Variants in FCHSD2 observed in about 807,000 individuals in gnomAD.
FCHSD2 encodes F-BAR and double SH3 domains protein 2.
FCHSD2 carries 38 observed loss-of-function variants against 108.1 expected under a neutral mutation model. That is an observed-to-expected ratio of 0.35 (90% CI 0.27 to 0.46). The LOEUF is 0.46. Among genes scored for constraint, FCHSD2 ranks in the 20% least tolerant of loss-of-function variants. FCHSD2 has a pLI of 1.00. For missense variants in FCHSD2, 751 were observed against 897.8 expected (o/e 0.84, Z 2.09); for synonymous variants, 279 against 314.7 (o/e 0.89, Z 1.20).
intron 8 of FCHSD2, among the ~76,000 whole-genome samples, chr11:72,968,078 A>C (rs925867318): frequency 6.7e-6 from 1 of 149,324 alleles, no homozygotes; most frequent in South Asian, 2.1e-4. Flanking sequence ...GCAACAGAGC[A>C]AGACTCTGTC....
chr11:73,038,764 T>G (rs184913275), intron 3 of FCHSD2, among the ~76,000 whole-genome samples: 2 of 152,140 alleles, frequency 1.3e-5, no homozygotes, highest in Non-Finnish European at 2.9e-5. Flanking sequence ...GGGTGATAGA[T>G]TCATTCATAC....
chr11:73,061,110 C>A (rs1859149892), intron 3 of FCHSD2, among the ~76,000 whole-genome samples: 1 of 152,220 alleles, frequency 6.6e-6, no homozygotes, highest in Non-Finnish European at 1.5e-5. Flanking sequence ...AACTGAGGTA[C>A]CTGGTTCATC....
intron 3 of FCHSD2, among the ~76,000 whole-genome samples, chr11:73,075,195 A>G (rs1859521168): frequency 6.6e-6 from 1 of 152,220 alleles, no homozygotes; most frequent in Non-Finnish European, 1.5e-5. Flanking sequence ...ACTCTCATTC[A>G]CTGCTCACAG....
chr11:73,118,713 T>C (rs758010691), intron 2 of FCHSD2, among the ~76,000 whole-genome samples: 2 of 152,216 alleles, frequency 1.3e-5, no homozygotes, highest in Admixed American at 6.5e-5. Context: ...GATGATACTA[T>C]AATGATGATG....
chr11:72,864,993 T>C (rs181019062), intron 13 of FCHSD2, among the ~76,000 whole-genome samples: 3 of 152,352 alleles, frequency 2.0e-5, no homozygotes, highest in Admixed American at 1.3e-4. Flanking sequence ...TTCTGTACTA[T>C]AGCATGATAC....
chr11:73,129,285 C>T (rs955279181), intron 2 of FCHSD2, among the ~76,000 whole-genome samples: 1 of 152,162 alleles, frequency 6.6e-6, no homozygotes, highest in African/African-American at 2.4e-5. Flanking sequence ...CCAGGGGTCC[C>T]CAACCCCCAG....
chr11:72,904,786 T>C (rs1220076844), intron 9 of FCHSD2, among the ~76,000 whole-genome samples: 2 of 152,208 alleles, frequency 1.3e-5, no homozygotes, highest in African/African-American at 4.8e-5. Context: ...CATATACTAG[T>C]TTCTTCATCT....
At chr11:72,942,759 T>C (rs993659246) in intron 8 of FCHSD2, among the ~76,000 whole-genome samples, 1 of 152,224 alleles carries the variant, frequency 6.6e-6, no homozygotes, top group African/African-American at 2.4e-5. Context: ...ATTATGGCTC[T>C]CCTAGAGGAT....
At chr11:73,045,404 C>T (rs1165254749) in intron 3 of FCHSD2, among the ~76,000 whole-genome samples, 1 of 150,804 alleles carries the variant, frequency 6.6e-6, no homozygotes, top group Non-Finnish European at 1.5e-5. Flanking sequence ...TTGACCCAGC[C>T]ATCCCATTAC....
intron 2 of FCHSD2, among the ~76,000 whole-genome samples, chr11:73,093,970 G>T (rs1057291818): frequency 2.0e-5 from 3 of 152,048 alleles, no homozygotes; most frequent in African/African-American, 7.2e-5. Flanking sequence ...CAATACTTTG[G>T]AAGGCCGAGT....
At position 73,033,243 on chromosome 11, in the gene FCHSD2, G is replaced by A. The variant is rs560883549; in HGVS notation, c.166-17358C>T. On this transcript the variant is annotated intron_variant, in intron 3 of 19. Transcript: ENST00000409418. Reference sequence around the variant, plus strand: ...GCGGAGGTTGCAGTGAGCTGAGATCGCGCCACTGCACTCCAGCCTGGGCAA... The same window carrying A: ...GCGGAGGTTGCAGTGAGCTGAGATCACGCCACTGCACTCCAGCCTGGGCAA... 3.3e-5 allele frequency among the ~76,000 whole-genome samples: 5 copies of A among 150,764 alleles called. 1 individual carries two copies. Among genetic ancestry groups the A allele is most frequent in the Admixed American group, 2.7e-4 (4 of 15,092 alleles).
intron 9 of FCHSD2, among the ~76,000 whole-genome samples, chr11:72,904,502 T>C (rs1229147960): frequency 1.3e-5 from 2 of 152,210 alleles, no homozygotes. Flanking sequence ...ATGGCCAATA[T>C]TCTTTCATCT....
chr11:72,840,969 A>C lies in FCHSD2; in HGVS notation c.2057-10T>G. The C allele has an allele frequency of 6.2e-7, 1 of 1,602,492 alleles. No homozygotes were observed. The highest frequency in any genetic ancestry group is 1.3e-5 in the African/African-American group (1 of 74,792). ...GCATGAAGGCTTTTTTCTAAGGGAG[A>C]AAACCAAAGAAGCTCATTTTACTTG... On this transcript the variant is annotated splice_polypyrimidine_tract_variant and intron_variant, in intron 18 of 19. Transcript: ENST00000409418.
intron 8 of FCHSD2, among the ~76,000 whole-genome samples, chr11:72,958,595 A>G (rs747655994): frequency 6.6e-6 from 1 of 152,164 alleles, no homozygotes; most frequent in African/African-American, 2.4e-5. Flanking sequence ...ACAAAATCTA[A>G]TAAGTGAGTA....
chr11:73,035,603 A>C (rs1420296365), intron 3 of FCHSD2, among the ~76,000 whole-genome samples: 2 of 152,140 alleles, frequency 1.3e-5, no homozygotes, highest in African/African-American at 2.4e-5. Context: ...TTAAGTGCTT[A>C]ATACCTTCAT....
chr11:72,901,691 A>T (rs1855529440), intron 10 of FCHSD2, among the ~76,000 whole-genome samples: 1 of 151,558 alleles, frequency 6.6e-6, no homozygotes, highest in South Asian at 2.2e-4. Flanking sequence ...TGCTACCATA[A>T]AAAAAATGGC....
intron 8 of FCHSD2, among the ~76,000 whole-genome samples, chr11:72,929,945 C>T (rs1336839459): frequency 6.6e-6 from 1 of 152,084 alleles, no homozygotes; most frequent in Non-Finnish European, 1.5e-5. Flanking sequence ...TGAGAAGGGT[C>T]TGAGCTACAA....
chr11:73,055,054 C>T (rs1393386163), intron 3 of FCHSD2, among the ~76,000 whole-genome samples: 1 of 152,102 alleles, frequency 6.6e-6, no homozygotes, highest in East Asian at 1.9e-4. Flanking sequence ...AAAGGAGGAA[C>T]AAAGGCTCAT....
rs186160830 is a variant in FCHSD2, at chr11:73,040,943, T to G, written c.166-25058A>C. Among the ~76,000 whole-genome samples the G allele has an allele frequency of 7.5e-4, 114 of 152,320 alleles. 2 individuals are homozygous for G. In the Middle Eastern group the frequency reaches 0.01, roughly 14 times the overall value. ...TCTCAATCTCCATGACAGCAACTTT[T>G]TTAGCTCCCACATATCAGTGAGTGA... is the stretch of plus-strand genomic sequence containing the variant. On this transcript the variant is annotated intron_variant, in intron 3 of 19. Coordinates refer to ENST00000409418, the MANE Select transcript of FCHSD2 (RefSeq NM_014824.3).
Sources: gnomAD v4.1 joint callset for allele counts (sites outside exome capture counted in the v4.1 genomes callset) on GRCh38, gnomAD v4.1.1 for gene constraint, MANE v1.5 for transcripts, NCBI Gene and HGNC (gene_info 2026-07-23, HGNC 2026-07-21) for gene names.